The following PHF12 variants were observed in gnomAD, a reference collection of about 807,000 sequenced individuals.
PHF12 encodes the protein PHD finger protein 12.
A neutral mutation model predicts 99.8 loss-of-function variants in PHF12; 6 were observed. The ratio of observed to expected loss-of-function variants is 0.06; its 90% confidence interval spans 0.03 to 0.12. The LOEUF (loss-of-function observed/expected upper bound fraction) is 0.12, where lower values mean the gene tolerates loss of function less well. Among genes scored for constraint, PHF12 ranks in the 10% least tolerant of loss-of-function variants. The probability of loss-of-function intolerance (pLI) is 1.00; values close to 1 mark genes in which losing one functional copy is unlikely to be tolerated. For missense variants in PHF12, 954 were observed against 1,300.1 expected (o/e 0.73, Z 4.09); for synonymous variants, 480 against 514.9 (o/e 0.93, Z 0.92).
At chr17:28,936,750 T>C (rs914516668) in intron 2 of PHF12, among the ~76,000 whole-genome samples, 4 of 152,158 alleles carry the variant, frequency 2.6e-5, no homozygotes, top group Admixed American at 6.5e-5. Flanking sequence ...AAGCAAACAA[T>C]AGGACTGAGC....
chr17:28,914,007 A>G lies in PHF12; in HGVS notation c.1165T>C (p.Phe389Leu). ...GCGGGTGCAATGAGAGGGGGTGGAA[A>G]CTGGTACTGAGATTTTATAGCATCA... ...VPDAIKSQYQ[F>L]PPPLIAPAAI... The change falls in exon 8 of 15, where the codon TTT becomes CTT. Residue 389 changes from phenylalanine to leucine, a missense_variant. Around this residue, in one of 8 missense-constraint regions of PHF12, gnomAD observed 392 missense variants for 423.1 expected, o/e 0.93. Coordinates refer to ENST00000332830, the MANE Select transcript of PHF12 (RefSeq NM_001033561.2). The G allele has an allele frequency of 9.9e-6, 16 of 1,612,850 alleles. No individual in the cohort carries two copies. Among genetic ancestry groups the G allele is most frequent in the African/African-American group, 1.3e-5 (1 of 75,018 alleles).
rs749034161 is a variant in PHF12 at position 28,950,175 on chromosome 17, C to T, written c.138G>A (p.Glu46=). The part of the protein sequence containing the change: ...AEKRSRKPEK[E]PRRSGRATNH... Reference sequence around the variant, plus strand: ...TGGTGGCCCTGCCGCTTCTCCGGGGCTCCTTCTCAGGCTTCCGACTGCGCT... The same window carrying T: ...TGGTGGCCCTGCCGCTTCTCCGGGGTTCCTTCTCAGGCTTCCGACTGCGCT... The change falls in exon 2 of 15, where the codon GAG becomes GAA. Residue 46 remains glutamate, a synonymous_variant. Transcript: ENST00000332830. This position sits in a 1 kb window ranked among gnomAD's most constrained non-coding sequence, Gnocchi z 5.7. The T allele has an allele frequency of 3.1e-6, 5 of 1,613,726 alleles. No individual in the cohort carries two copies. Among genetic ancestry groups the T allele is most frequent in the African/African-American group, 1.3e-5 (1 of 74,896 alleles).
chr17:28,935,886 G>A (rs1011186975), intron 2 of PHF12, among the ~76,000 whole-genome samples: 2 of 152,152 alleles, frequency 1.3e-5, no homozygotes, highest in African/African-American at 4.8e-5. Flanking sequence ...GAGTCATCAA[G>A]GAGAAAACCA....
chr17:28,917,992 A>G (rs141985395), intron 6 of PHF12, among the ~76,000 whole-genome samples: 2 of 152,322 alleles, frequency 1.3e-5, no homozygotes, highest in Non-Finnish European at 2.9e-5. Context: ...ACCCATCTTG[A>G]TATCAGTCTT....
chr17:28,916,834 GATTCAA>G (rs1254222305), intron 7 of PHF12, among the ~76,000 whole-genome samples: 1 of 152,230 alleles, frequency 6.6e-6, no homozygotes, highest in Admixed American at 6.5e-5. Context: ...TGGAAAAATA[GATTCAA>G]GTTTCCTTTA....
In PHF12 at chr17:28,951,128, G is replaced by A; in HGVS notation, c.-168C>T. The A allele has an allele frequency of 6.9e-7, 1 of 1,440,926 alleles. No homozygotes were observed. Among genetic ancestry groups the A allele is most frequent in the South Asian group, 1.4e-5 (1 of 70,100 alleles). 89.3% of individuals were successfully genotyped at this position (1,440,926 alleles called of 1,614,324 possible). ...CCCACCCCCCGGCCCCCAGTCCCCG[G>A]GACGACAGCGTCCTCCCGACGGGCC... On this transcript the variant is annotated 5_prime_UTR_variant, in exon 1 of 15. Transcript: ENST00000332830.
chr17:28,939,124 T>C (rs1048907700), intron 2 of PHF12, among the ~76,000 whole-genome samples: 14 of 152,252 alleles, frequency 9.2e-5, no homozygotes, highest in Admixed American at 3.3e-4. Context: ...GTCAGATGCC[T>C]GATATCACAG....
At chr17:28,913,299 G>C (rs372779781) in intron 8 of PHF12, 22 bp from the exon 9 acceptor site, 140 of 1,580,596 alleles carry the variant, frequency 8.9e-5, no homozygotes, top group South Asian at 2.7e-4. Context: ...GGAGAGGAGA[G>C]GGGGGTGAGA....
At position 28,906,683 on chromosome 17, in the gene PHF12, T is replaced by C. The variant is rs774822414; in HGVS notation, c.2681-166A>G. 1.7e-6 allele frequency: 2 copies of C among 1,206,062 alleles called. No homozygotes were observed. Among genetic ancestry groups the C allele is most frequent in the Non-Finnish European group, 2.3e-6 (2 of 871,698 alleles). 74.7% of individuals were successfully genotyped at this position (1,206,062 alleles called of 1,614,324 possible). A position where few individuals can be genotyped will look rare whatever the true frequency, so the allele number is the denominator to read the frequency against. On this transcript the variant is annotated intron_variant, in intron 14 of 14. Transcript: ENST00000332830. This position sits in a 1 kb window ranked among gnomAD's most constrained non-coding sequence, Gnocchi z 4.2. ...GGAGTCTGAAGTCCCCACAGGTGTG[T>C]ACACACATGGGGGTACTCAGCACTT...
rs1258973367 is a variant in PHF12 at position 28,906,071 on chromosome 17, T to C, written c.*112A>G. 4.9e-6 allele frequency: 5 copies of C among 1,020,640 alleles called. No individual in the cohort carries two copies. The highest frequency in any genetic ancestry group is 4.9e-5 in the African/African-American group (3 of 61,630). 63.2% of individuals were successfully genotyped at this position (1,020,640 alleles called of 1,614,324 possible). A position where few individuals can be genotyped will look rare whatever the true frequency, so the allele number is the denominator to read the frequency against. On this transcript the variant is annotated 3_prime_UTR_variant, in exon 15 of 15. Transcript: ENST00000332830. The surrounding 1 kb of genome is among the most constrained non-coding windows in gnomAD (Gnocchi z 4.2). The stretch of plus-strand genomic sequence containing the variant: ...TCTTCATTTCATGCAAAGATTGTAG[T>C]TGAAGGGTTTCTGGTAGAGTATAGA...
At chr17:28,940,889 G>A (rs755934902) in intron 2 of PHF12, among the ~76,000 whole-genome samples, 3 of 152,106 alleles carry the variant, frequency 2.0e-5, no homozygotes, top group South Asian at 2.1e-4. Context: ...GGGTACAGCC[G>A]TGCTCCTGTC....
At chr17:28,923,501 T>A (rs1189289048) in intron 4 of PHF12, among the ~76,000 whole-genome samples, 1 of 149,158 alleles carries the variant, frequency 6.7e-6, no homozygotes, top group Non-Finnish European at 1.5e-5. Context: ...CTACTGAAAA[T>A]ACAAAAATTA....
chr17:28,913,914 A>C lies in PHF12; in HGVS notation c.1258T>G (p.Ser420Ala). Residue 420 changes from serine to alanine, a missense_variant, in exon 8 of 15, where the codon TCT becomes GCT. Physicochemically the swap from Ser to Ala is moderately conservative, Grantham distance 99 (BLOSUM62 1). Around this residue, in one of 8 missense-constraint regions of PHF12, gnomAD observed 392 missense variants for 423.1 expected, o/e 0.93. Transcript: ENST00000332830. Reference protein sequence around the residue: ...PEESQMHLLNSEHLATQAEQQ... With the variant: ...PEESQMHLLNAEHLATQAEQQ... ...TCTGCTTGGGTGGCTAAGTGCTCAG[A>C]GTTCAAAAGGTGCATCTGTGATTCC... is the stretch of plus-strand genomic sequence containing the variant. The C allele has an allele frequency of 6.2e-7, 1 of 1,612,132 alleles. No individual in the cohort carries two copies. Among genetic ancestry groups the C allele is most frequent in the African/African-American group, 1.3e-5 (1 of 74,986 alleles).
intron 2 of PHF12, among the ~76,000 whole-genome samples, chr17:28,946,713 A>C (rs1232652417): frequency 6.6e-6 from 1 of 152,060 alleles, no homozygotes; most frequent in African/African-American, 2.4e-5. Context: ...TTTTTCTTTA[A>C]ATTTTGTAGA....
chr17:28,906,090 G>A lies in PHF12; in HGVS notation c.*93C>T. ...TTGTAGTTGAAGGGTTTCTGGTAGA[G>A]TATAGAAAACACCCGGGCTTGGTTT... is the stretch of plus-strand genomic sequence containing the variant. On this transcript the variant is annotated 3_prime_UTR_variant, in exon 15 of 15. Coordinates refer to ENST00000332830, the MANE Select transcript of PHF12 (RefSeq NM_001033561.2). The surrounding 1 kb of genome is among the most constrained non-coding windows in gnomAD (Gnocchi z 4.2). 5.6e-6 allele frequency: 7 copies of A among 1,242,010 alleles called. No homozygotes were observed. The highest frequency in any genetic ancestry group is 7.7e-6 in the Non-Finnish European group (7 of 906,218). The allele number at this position is 1,242,010 out of a possible 1,614,324, so 76.9% of individuals were successfully genotyped here. A position where few individuals can be genotyped will look rare whatever the true frequency, so the allele number is the denominator to read the frequency against.
At position 28,906,405 on chromosome 17, in the gene PHF12, C is replaced by G. The variant is rs776735322; in HGVS notation, c.2793G>C (p.Ser931=). ...CGGCCCCACTGCCCCCAATCAAGCT[C>G]GAGCTGCTGGCTTTGCAATTGCAGG... is the stretch of plus-strand genomic sequence containing the variant. ...RRPCNCKASS[S]SLIGGSGAGW... is the part of the protein sequence containing the mutation. The change falls in exon 15 of 15, where the codon TCG becomes TCC. Residue 931 remains serine (S), a synonymous_variant. Transcript: ENST00000332830. This position sits in a 1 kb window ranked among gnomAD's most constrained non-coding sequence, Gnocchi z 4.2. The G allele has an allele frequency of 6.2e-7, 1 of 1,614,232 alleles. No individual in the cohort carries two copies.
chr17:28,947,048 A>G (rs976117507), intron 2 of PHF12, among the ~76,000 whole-genome samples: 2 of 150,834 alleles, frequency 1.3e-5, no homozygotes, highest in African/African-American at 4.9e-5. Flanking sequence ...CAGTAGTGTG[A>G]TCTCGGCTCA....
chr17:28,910,024 C>T (rs1173713573), intron 11 of PHF12: 2 of 777,874 alleles, frequency 2.6e-6, no homozygotes, highest in Non-Finnish European at 4.4e-6. Flanking sequence ...AGCAGACTTC[C>T]CCAAGTCTGA....
Position 28,950,729 on chromosome 17 carries a change from G to T in PHF12, c.66+166C>A. ...ACTGCTGCAAACGTCCTCGGAGGCT[G>T]AGCTCAGCCCCCTAAATTGCAAAGA... On this transcript the variant is annotated intron_variant, in intron 1 of 14. Transcript: ENST00000332830. This position sits in a 1 kb window ranked among gnomAD's most constrained non-coding sequence, Gnocchi z 5.7. 9.9e-7 allele frequency: 1 copy of T among 1,005,234 alleles called. No individual in the cohort carries two copies. The highest frequency in any genetic ancestry group is 1.4e-6 in the Non-Finnish European group (1 of 731,730). The allele number at this position is 1,005,234 out of a possible 1,614,324, so 62.3% of individuals were successfully genotyped here.
Sources: gnomAD v4.1 joint callset for allele counts (sites outside exome capture counted in the v4.1 genomes callset) on GRCh38, gnomAD v4.1.1 for gene constraint, gnomAD v4.1.1 regional missense constraint, Gnocchi (gnomAD v3.1) non-coding constraint, MANE v1.5 for transcripts, NCBI Gene and HGNC (gene_info 2026-07-23, HGNC 2026-07-21) for gene names.